LRRC28: variants seen among roughly 807,000 people sequenced by gnomAD.
LRRC28 encodes leucine rich repeat containing 28, also known as leucine-rich repeat-containing protein 28.
In LRRC28, 39 loss-of-function variants were observed where a neutral mutation model predicts 45.7. The observed-to-expected ratio is 0.85, with a 90% CI of 0.66 to 1.12. The LOEUF is 1.12. Among genes scored for constraint, LRRC28 ranks in the 50% most tolerant of loss-of-function variants. The pLI is 0.00. For missense variants in LRRC28, 435 were observed against 438.5 expected (o/e 0.99, Z 0.07); for synonymous variants, 206 against 178.8 (o/e 1.15, Z -1.22).
At chr15:99,256,613 T>G (rs534035099) in intron 2 of LRRC28, among the ~76,000 whole-genome samples, 1 of 152,342 alleles carries the variant, frequency 6.6e-6, no homozygotes, top group East Asian at 1.9e-4. Flanking sequence ...TTCAGTGTTT[T>G]GAAAGCAAAA....
chr15:99,342,365 A>G (rs905876599), intron 6 of LRRC28, among the ~76,000 whole-genome samples: 3 of 152,236 alleles, frequency 2.0e-5, no homozygotes, highest in Non-Finnish European at 2.9e-5. Context: ...GAGGCTGTCT[A>G]ACTTCCGTCA....
At chr15:99,332,326 A>G (rs1956187375) in intron 5 of LRRC28, among the ~76,000 whole-genome samples, 1 of 152,140 alleles carries the variant, frequency 6.6e-6, no homozygotes, top group South Asian at 2.1e-4. Context: ...ACTGAATCCT[A>G]CCTGCCCGCT....
rs1958065830 is a variant in LRRC28 at position 99,387,638 on chromosome 15, A to G, written c.*1536A>G. 6.6e-6 allele frequency: 1 copy of G among 152,190 alleles called. No individual in the cohort carries two copies. Among genetic ancestry groups the G allele is most frequent in the African/African-American group, 2.4e-5 (1 of 41,456 alleles). The allele number at this position is 152,190 out of a possible 1,614,324, so 9.4% of individuals were successfully genotyped here. A position where few individuals can be genotyped will look rare whatever the true frequency, so the allele number is the denominator to read the frequency against. Reference sequence around the variant, plus strand: ...CTTCCTTTCAAAGGATGGCATTTTAATGTTGCTTTGCTGCCAGATGTTCAT... The same window carrying G: ...CTTCCTTTCAAAGGATGGCATTTTAGTGTTGCTTTGCTGCCAGATGTTCAT... On this transcript the variant is annotated 3_prime_UTR_variant, in exon 10 of 10. Transcript: ENST00000301981.
At chr15:99,285,023 C>T (rs2081920246) in intron 3 of LRRC28, 1 of 650,488 alleles carries the variant, frequency 1.5e-6, no homozygotes, top group Admixed American at 1.8e-5. Flanking sequence ...AAGCACTAGC[C>T]ATCTCTTGGC....
rs978448485 is a variant in LRRC28 at position 99,388,614 on chromosome 15, C to T, written c.*2512C>T. ...CTTTTGATACTATAAAGGAGTCTTA[C>T]CAACTGGAGAAAATTTGCCTACATG... On this transcript the variant is annotated 3_prime_UTR_variant, in exon 10 of 10. Coordinates refer to ENST00000301981, the MANE Select transcript of LRRC28 (RefSeq NM_144598.5). The T allele has an allele frequency of 6.6e-6, 1 of 152,174 alleles. No individual in the cohort carries two copies. Among genetic ancestry groups the T allele is most frequent in the Non-Finnish European group, 1.5e-5 (1 of 68,038 alleles). The allele number at this position is 152,174 out of a possible 1,614,324, so 9.4% of individuals were successfully genotyped here.
chr15:99,382,204 G>A (rs776322405), intron 9 of LRRC28, among the ~76,000 whole-genome samples: 107 of 152,334 alleles, frequency 7.0e-4, no homozygotes, highest in South Asian at 1.5e-3. Context: ...TGGCTGCTTC[G>A]TTTACCTACT....
Position 99,294,407 on chromosome 15 carries a change from C to T in LRRC28, c.385+6456C>T, listed in dbSNP as rs140252437. On this transcript the variant is annotated intron_variant, in intron 5 of 9. Coordinates refer to ENST00000301981, the MANE Select transcript of LRRC28 (RefSeq NM_144598.5). Reference sequence around the variant, plus strand: ...TAGAAGTTATCTGTTGATCTGAGTTCTACTTACTGTTTGTTTTATGCTCTC... The same window carrying T: ...TAGAAGTTATCTGTTGATCTGAGTTTTACTTACTGTTTGTTTTATGCTCTC... 6.3e-3 allele frequency among the ~76,000 whole-genome samples: 953 copies of T among 152,028 alleles called. 13 individuals are homozygous for T. The highest frequency in any genetic ancestry group is 0.022 in the African/African-American group (894 of 41,462).
intron 6 of LRRC28, among the ~76,000 whole-genome samples, chr15:99,340,214 T>C (rs1046434708): frequency 1.2e-4 from 19 of 152,232 alleles, no homozygotes; most frequent in Non-Finnish European, 2.4e-4. Flanking sequence ...TGTATTTGTT[T>C]GTAGGAATTG....
chr15:99,371,672 T>C (rs963247256), intron 9 of LRRC28, among the ~76,000 whole-genome samples: 1 of 152,202 alleles, frequency 6.6e-6, no homozygotes, highest in Non-Finnish European at 1.5e-5. Context: ...ATTTTGTTTT[T>C]CCTTTTGGCA....
chr15:99,327,105 T>G (rs2152285239), intron 5 of LRRC28, among the ~76,000 whole-genome samples: 1 of 152,276 alleles, frequency 6.6e-6, no homozygotes, highest in Non-Finnish European at 1.5e-5. Context: ...ACAAGAGTCT[T>G]GCTCTGTCGC....
chr15:99,258,632 T>C, intron 2 of LRRC28: 3 of 753,344 alleles, frequency 4.0e-6, no homozygotes, highest in South Asian at 2.8e-5. Flanking sequence ...TTATGAATGA[T>C]ATCAAACCAA....
intron 6 of LRRC28, among the ~76,000 whole-genome samples, chr15:99,335,479 C>G (rs940004851): frequency 1.3e-5 from 2 of 152,104 alleles, no homozygotes; most frequent in Non-Finnish European, 2.9e-5. Flanking sequence ...TTGTAGATTA[C>G]CATATCTGAC....
At chr15:99,362,015 G>T (rs1957218526) in intron 8 of LRRC28, among the ~76,000 whole-genome samples, 2 of 152,176 alleles carry the variant, frequency 1.3e-5, no homozygotes, top group African/African-American at 2.4e-5. Flanking sequence ...GAAGTACTGG[G>T]AGCCGTTGGC....
At chr15:99,333,658 C>G in intron 5 of LRRC28, 1 of 501,286 alleles carries the variant, frequency 2.0e-6, no homozygotes, top group Non-Finnish European at 3.6e-6. Context: ...ACTTCTGGTT[C>G]AGACTCACCA....
At chr15:99,358,933 G>A (rs566177529) in intron 7 of LRRC28, among the ~76,000 whole-genome samples, 147 of 152,010 alleles carry the variant, frequency 9.7e-4, no homozygotes, top group Non-Finnish European at 1.7e-3. Flanking sequence ...CAAACTAACC[G>A]GACGTGGTGG....
chr15:99,291,337 A>G (rs887787048), intron 5 of LRRC28, among the ~76,000 whole-genome samples: 2 of 152,210 alleles, frequency 1.3e-5, no homozygotes, highest in South Asian at 2.1e-4. Context: ...TGATTGAGCC[A>G]TGTATATAGG....
intron 1 of LRRC28, among the ~76,000 whole-genome samples, chr15:99,253,497 G>A (rs1162302872): frequency 1.3e-5 from 2 of 152,200 alleles, no homozygotes; most frequent in Non-Finnish European, 2.9e-5. Context: ...ACCAGCAAGT[G>A]CTGTTAGGGG....
rs983860535 is a variant in LRRC28, at chr15:99,361,515, C to T, written c.871+4C>T. On this transcript the variant is annotated splice_donor_region_variant and intron_variant, in intron 8 of 9. Coordinates refer to ENST00000301981, the MANE Select transcript of LRRC28 (RefSeq NM_144598.5). ...ACCTACCACAGCTTGCTGAAAGGTA[C>T]GTGGGACTTCTGGTTTTCTTATTTT... The T allele has an allele frequency of 6.4e-6, 10 of 1,573,128 alleles. No individual in the cohort carries two copies. The South Asian group carries it at 7.1e-5, about 11-fold the overall frequency.
rs150511962 is a variant in LRRC28, at chr15:99,266,425, G to A, written c.169-10151G>A. Among the ~76,000 whole-genome samples, 411 of 152,134 alleles carry A rather than the reference G, an allele frequency of 2.7e-3. 4 individuals carry two copies. The highest frequency in any genetic ancestry group is 9.2e-3 in the African/African-American group (382 of 41,496). ...TGGCTGAGATGAGAGGATCATGTGA[G>A]CCCAGGAGTTTGAGACCAGCCTGGG... is the stretch of plus-strand genomic sequence containing the variant. On this transcript the variant is annotated intron_variant, in intron 2 of 9. Transcript: ENST00000301981.
Sources: allele counts gnomAD v4.1 joint callset (sites outside exome capture counted in the v4.1 genomes callset), GRCh38; gene constraint gnomAD v4.1.1; transcripts MANE v1.5; gene names NCBI Gene and HGNC (gene_info 2026-07-23, HGNC 2026-07-21).